The following NRF1 variants were observed in gnomAD, a reference collection of about 807,000 sequenced individuals.
NRF1 encodes alpha palindromic-binding protein.
In NRF1, 5 loss-of-function variants were observed where a neutral mutation model predicts 58.5. That is an observed-to-expected ratio of 0.09 (90% CI 0.04 to 0.18). NRF1 has a LOEUF of 0.18. Among genes scored for constraint, NRF1 ranks in the 10% least tolerant of loss-of-function variants. NRF1 has a pLI of 1.00. For synonymous variants in NRF1, 224 were observed against 246.7 expected (o/e 0.91, Z 0.86); for missense variants, 288 against 657.7 (o/e 0.44, Z 6.15).
intron 1 of NRF1, among the ~76,000 whole-genome samples, chr7:129,648,146 A>T (rs1229191201): frequency 2.6e-5 from 4 of 152,122 alleles, no homozygotes; most frequent in Non-Finnish European, 2.9e-5. Context: ...CTTTTCAGAG[A>T]CAATTAGCTG....
intron 10 of NRF1, among the ~76,000 whole-genome samples, chr7:129,752,926 T>C (rs932171401): frequency 3.9e-5 from 6 of 152,104 alleles, no homozygotes; most frequent in African/African-American, 1.4e-4. Flanking sequence ...GCATTGCAAG[T>C]GTGGGGGCGA....
chr7:129,745,200 A>G (rs1353643777), intron 10 of NRF1, among the ~76,000 whole-genome samples: 1 of 152,074 alleles, frequency 6.6e-6, no homozygotes. Context: ...GCATATTGCC[A>G]TGATCTATCC....
intron 3 of NRF1, among the ~76,000 whole-genome samples, chr7:129,674,451 T>C (rs1264464708): frequency 6.6e-6 from 1 of 152,148 alleles, no homozygotes; most frequent in Non-Finnish European, 1.5e-5. Flanking sequence ...ACTTTTTTTT[T>C]GGAGACAGAG....
intron 1 of NRF1, among the ~76,000 whole-genome samples, chr7:129,619,490 GTATATATATATATATA>G (rs67190499): frequency 1.2e-4 from 6 of 48,620 alleles, no homozygotes; most frequent in Admixed American, 5.9e-4. Context: ...GTGTGTGTGT[GTATATATATATATATA>G]TATATATGTA....
At chr7:129,621,858 C>G (rs973158602) in intron 1 of NRF1, among the ~76,000 whole-genome samples, 3 of 148,926 alleles carry the variant, frequency 2.0e-5, no homozygotes, top group African/African-American at 7.4e-5. Flanking sequence ...TCTTGGCTCA[C>G]TGTAACTTCC....
chr7:129,613,109 G>A (rs1800578867), intron 1 of NRF1, among the ~76,000 whole-genome samples: 1 of 152,250 alleles, frequency 6.6e-6, no homozygotes, highest in Non-Finnish European at 1.5e-5. Context: ...GAGAAAGGTA[G>A]TGTGAGTGAG....
chr7:129,753,966 G>A (rs1804184369), intron 10 of NRF1, among the ~76,000 whole-genome samples: 1 of 151,364 alleles, frequency 6.6e-6, no homozygotes, highest in Non-Finnish European at 1.5e-5. Flanking sequence ...GAAGAAGGCA[G>A]TGTAGCCAAA....
intron 1 of NRF1, among the ~76,000 whole-genome samples, chr7:129,622,249 A>G (rs546743181): frequency 1.3e-5 from 2 of 152,334 alleles, no homozygotes; most frequent in African/African-American, 4.8e-5. Flanking sequence ...AAAAATAAAC[A>G]TAAATACAGA....
chr7:129,749,026 C>T (rs1193771703), intron 10 of NRF1, among the ~76,000 whole-genome samples: 1 of 152,206 alleles, frequency 6.6e-6, no homozygotes, highest in Non-Finnish European at 1.5e-5. Flanking sequence ...CCTGGTGCCA[C>T]CATCAGAGAC....
chr7:129,653,153 A>C (rs28805656), intron 1 of NRF1, among the ~76,000 whole-genome samples: 23,295 of 152,138 alleles, frequency 0.15, 1,927 homozygotes, highest in African/African-American at 0.23. Context: ...TAGGTGCCTC[A>C]CATAAGTAGA....
intron 2 of NRF1, among the ~76,000 whole-genome samples, chr7:129,659,409 AT>A (rs889962043): frequency 5.3e-5 from 8 of 152,186 alleles, no homozygotes; most frequent in Non-Finnish European, 1.0e-4. Context: ...AATAATGTTA[AT>A]TTTTTTTCCT....
chr7:129,739,857 G>T (rs1200895497), intron 10 of NRF1, among the ~76,000 whole-genome samples: 1 of 152,150 alleles, frequency 6.6e-6, no homozygotes, highest in Admixed American at 6.5e-5. Context: ...AGCCTGACGG[G>T]TCACAAAGCT....
intron 2 of NRF1, among the ~76,000 whole-genome samples, chr7:129,663,719 C>T (rs796495821): frequency 2.3e-4 from 35 of 152,102 alleles, no homozygotes; most frequent in African/African-American, 6.7e-4. Flanking sequence ...ACTTCCTAGA[C>T]GGGGTGGCGG....
chr7:129,636,116 T>C (rs1801163842), intron 1 of NRF1, among the ~76,000 whole-genome samples: 1 of 152,218 alleles, frequency 6.6e-6, no homozygotes, highest in African/African-American at 2.4e-5. Flanking sequence ...TTGCTTGTCA[T>C]GTGATACTTT....
At chr7:129,746,407 T>G (rs1803976000) in intron 10 of NRF1, among the ~76,000 whole-genome samples, 2 of 152,246 alleles carry the variant, frequency 1.3e-5, no homozygotes, top group Admixed American at 1.3e-4. Context: ...CTAACTGCTG[T>G]CTGCCTGCTA....
intron 1 of NRF1, among the ~76,000 whole-genome samples, chr7:129,632,631 A>G (rs1801076379): frequency 6.6e-6 from 1 of 151,954 alleles, no homozygotes; most frequent in South Asian, 2.1e-4. Context: ...ATATATATGT[A>G]TCCACTGAAA....
At chr7:129,749,253 G>A (rs1804054893) in intron 10 of NRF1, among the ~76,000 whole-genome samples, 1 of 152,152 alleles carries the variant, frequency 6.6e-6, no homozygotes, top group Non-Finnish European at 1.5e-5. Flanking sequence ...GAAAAGTGTT[G>A]AATTTGGGTT....
intron 1 of NRF1, among the ~76,000 whole-genome samples, chr7:129,642,950 G>A (rs1441090579): frequency 6.6e-6 from 1 of 151,464 alleles, no homozygotes; most frequent in Non-Finnish European, 1.5e-5. Flanking sequence ...TAGTAGAGAT[G>A]GGGTTTCACC....
intron 1 of NRF1, among the ~76,000 whole-genome samples, chr7:129,651,581 C>T (rs1584608738): frequency 6.6e-6 from 1 of 152,110 alleles, no homozygotes; most frequent in South Asian, 2.1e-4. Context: ...ATCCATTATG[C>T]CAAGCGCATA....
Sources: allele counts gnomAD v4.1 joint callset (sites outside exome capture counted in the v4.1 genomes callset), GRCh38; gene constraint gnomAD v4.1.1; transcripts MANE v1.5; gene names NCBI Gene and HGNC (gene_info 2026-07-23, HGNC 2026-07-21).